PRKCB: variants seen among roughly 807,000 people sequenced by gnomAD.
The protein encoded by PRKCB is protein kinase C beta type.
Under a neutral mutation model 81.5 loss-of-function variants are expected in PRKCB, and 13 were observed. The ratio of observed to expected loss-of-function variants is 0.16; its 90% CI spans 0.10 to 0.25. The LOEUF is 0.25. Ranked by LOEUF, PRKCB falls within the 10% of genes least tolerant of loss-of-function variation. PRKCB has a pLI of 1.00. For missense variants in PRKCB, 509 were observed against 875.7 expected (o/e 0.58, Z 5.29); for synonymous variants, 335 against 321.4 (o/e 1.04, Z -0.45).
At chr16:24,140,616 G>A (rs1350809298) in intron 9 of PRKCB, among the ~76,000 whole-genome samples, 2 of 152,154 alleles carry the variant, frequency 1.3e-5, no homozygotes, top group African/African-American at 4.8e-5. Context: ...TTCTGGGTGG[G>A]GTCGCAGGAC....
chr16:23,934,101 G>A lies in PRKCB; in HGVS notation c.206-54407G>A, dbSNP rs547010328. Reference sequence around the variant, plus strand: ...CGAAACTTTCCCTTTGATCAATGGAGGATTTCCTTCCTGGACTTGCTTGGT... The same window carrying A: ...CGAAACTTTCCCTTTGATCAATGGAAGATTTCCTTCCTGGACTTGCTTGGT... On this transcript the variant is annotated intron_variant, in intron 2 of 16. Coordinates refer to ENST00000643927, the MANE Select transcript of PRKCB (RefSeq NM_002738.7). 2.6e-5 allele frequency among the ~76,000 whole-genome samples: 4 copies of A among 152,036 alleles called. No individual in the cohort carries two copies. The South Asian group carries it at 8.3e-4, about 32-fold the overall frequency.
chr16:23,880,562 A>C (rs1327268040), intron 2 of PRKCB, among the ~76,000 whole-genome samples: 1 of 151,666 alleles, frequency 6.6e-6, no homozygotes, highest in East Asian at 1.9e-4. Context: ...ATATAACTCA[A>C]GCTTTGTATT....
At chr16:24,063,538 G>A (rs142152639) in intron 5 of PRKCB, among the ~76,000 whole-genome samples, 2,654 of 151,936 alleles carry the variant, frequency 0.017, 68 homozygotes, top group African/African-American at 0.059. Flanking sequence ...CATGTGATCC[G>A]CCCGCCTTGG....
intron 2 of PRKCB, among the ~76,000 whole-genome samples, chr16:23,870,507 CA>C (rs1962885767): frequency 6.6e-6 from 1 of 152,222 alleles, no homozygotes; most frequent in Non-Finnish European, 1.5e-5. Context: ...GGCTTCAAGT[CA>C]GGTCTGTTTG....
intron 2 of PRKCB, among the ~76,000 whole-genome samples, chr16:23,970,793 G>T (rs541768312): frequency 5.3e-5 from 8 of 152,354 alleles, no homozygotes; most frequent in African/African-American, 1.9e-4. Flanking sequence ...CCCAAGGGGA[G>T]GATGAACAGG....
intron 5 of PRKCB, among the ~76,000 whole-genome samples, chr16:24,067,435 G>T (rs183825817): frequency 7.9e-4 from 120 of 152,040 alleles, no homozygotes; most frequent in African/African-American, 2.7e-3. Context: ...GAGTAGCTGG[G>T]ACTATAGATG....
chr16:23,958,391 G>C (rs561349813), intron 2 of PRKCB, among the ~76,000 whole-genome samples: 4 of 152,020 alleles, frequency 2.6e-5, no homozygotes, highest in Admixed American at 6.6e-5. Flanking sequence ...TGCAATGTCT[G>C]CCTCCTGGGT....
chr16:24,051,997 C>T (rs559103823), intron 5 of PRKCB, among the ~76,000 whole-genome samples: 151 of 151,120 alleles, frequency 1.0e-3, no homozygotes, highest in African/African-American at 3.5e-3. Context: ...GTAATCCCAG[C>T]TACTCAGGAG....
chr16:24,025,261 C>A (rs1365902251), intron 3 of PRKCB, among the ~76,000 whole-genome samples: 1 of 152,352 alleles, frequency 6.6e-6, no homozygotes, highest in East Asian at 1.9e-4. Context: ...GCTGTCACAA[C>A]AACCCATTGA....
At position 24,213,733 on chromosome 16, in the gene PRKCB, G is replaced by T. The variant is rs28653562; in HGVS notation, c.1864-925G>T. Among the ~76,000 whole-genome samples, 805 of 152,282 alleles carry T rather than the reference G, an allele frequency of 5.3e-3. 8 individuals are homozygous for T. Among genetic ancestry groups the T allele is most frequent in the African/African-American group, 0.018 (739 of 41,560 alleles). On this transcript the variant is annotated intron_variant, in intron 16 of 16. Transcript: ENST00000643927. ...AAAGAACAAGGAACCCCAAATTAGCGGTTTGCCCCTTCTCATTAGGTGGGA... is the reference window on the plus strand; with the variant it reads ...AAAGAACAAGGAACCCCAAATTAGCTGTTTGCCCCTTCTCATTAGGTGGGA...
At chr16:23,952,973 T>A (rs1451583370) in intron 2 of PRKCB, among the ~76,000 whole-genome samples, 1 of 152,112 alleles carries the variant, frequency 6.6e-6, no homozygotes, top group African/African-American at 2.4e-5. Context: ...AAACACTTGG[T>A]CCCCAGTCAA....
At chr16:23,999,380 G>C (rs1388576628) in intron 3 of PRKCB, among the ~76,000 whole-genome samples, 4 of 152,246 alleles carry the variant, frequency 2.6e-5, no homozygotes, top group African/African-American at 9.6e-5. Context: ...GATATTAGTA[G>C]AGCTTTGTGC....
At chr16:23,854,949 G>A (rs1962538579) in intron 2 of PRKCB, among the ~76,000 whole-genome samples, 1 of 152,152 alleles carries the variant, frequency 6.6e-6, no homozygotes, top group South Asian at 2.1e-4. Flanking sequence ...GGAAATGGTA[G>A]GGCCAGATGA....
At chr16:24,014,097 A>C in intron 3 of PRKCB, among the ~76,000 whole-genome samples, 1 of 152,230 alleles carries the variant, frequency 6.6e-6, no homozygotes, top group East Asian at 1.9e-4. Flanking sequence ...CTTCTGTGAC[A>C]GAGGGTGCTG....
In PRKCB at chr16:24,217,114, G is replaced by C. The variant is rs1220467547; in HGVS notation, c.*2298G>C. On this transcript the variant is annotated 3_prime_UTR_variant, in exon 17 of 17. Transcript: ENST00000643927. Reference sequence around the variant, plus strand: ...AAAGAAAGGAAAGAAAGAAGAAAAAGAAAGAAGGAAAGAAAGAAAGAGAAA... The same window carrying C: ...AAAGAAAGGAAAGAAAGAAGAAAAACAAAGAAGGAAAGAAAGAAAGAGAAA... 11 of 979,822 alleles carry C rather than the reference G, an allele frequency of 1.1e-5. No homozygotes were observed. The highest frequency in any genetic ancestry group is 1.3e-5 in the Non-Finnish European group (11 of 827,646). 60.7% of individuals were successfully genotyped at this position (979,822 alleles called of 1,614,324 possible).
chr16:23,882,033 C>CT (rs1567301170), intron 2 of PRKCB, among the ~76,000 whole-genome samples: 8 of 35,036 alleles, frequency 2.3e-4, no homozygotes, highest in East Asian at 5.4e-3. Context: ...TTCCTTCCTT[C>CT]CTTCCTTCCT....
In PRKCB at chr16:24,219,960, G is replaced by A. The variant is rs1213797517; in HGVS notation, c.*5144G>A. On this transcript the variant is annotated 3_prime_UTR_variant, in exon 17 of 17. Coordinates refer to ENST00000643927, the MANE Select transcript of PRKCB (RefSeq NM_002738.7). Reference sequence around the variant, plus strand: ...TAATGTGTTTACTTTCCATTTGGCAGAGAGACAAGAGAGACACCTCCAACT... The same window carrying A: ...TAATGTGTTTACTTTCCATTTGGCAAAGAGACAAGAGAGACACCTCCAACT... The A allele has an allele frequency of 3.1e-6, 5 of 1,613,770 alleles. No individual in the cohort carries two copies. The highest frequency in any genetic ancestry group is 3.3e-5 in the Admixed American group (2 of 59,956).
chr16:24,162,803 T>A (rs1246496570), intron 10 of PRKCB, among the ~76,000 whole-genome samples: 1 of 152,066 alleles, frequency 6.6e-6, no homozygotes. Flanking sequence ...ATGTACCTTA[T>A]TCAGGTGATG....
At position 24,194,156 on chromosome 16, in the gene PRKCB, A is replaced by G. The variant is rs556622700; in HGVS notation, c.1863+2926A>G. Among the ~76,000 whole-genome samples the G allele has an allele frequency of 5.3e-5, 8 of 152,160 alleles. No homozygotes were observed. The South Asian group carries it at 1.7e-3, about 32-fold the overall frequency. On this transcript the variant is annotated intron_variant, in intron 16 of 16. Coordinates refer to ENST00000643927, the MANE Select transcript of PRKCB (RefSeq NM_002738.7). ...AGCCTGGCCAACATAGTGAAACCCC[A>G]TCTGTACTAAAAATACAAAAATTAG...
Sources: allele counts gnomAD v4.1 joint callset (sites outside exome capture counted in the v4.1 genomes callset), GRCh38; gene constraint gnomAD v4.1.1; transcripts MANE v1.5; gene names NCBI Gene and HGNC (gene_info 2026-07-23, HGNC 2026-07-21).